The following NGF variants were observed in gnomAD, a reference collection of about 807,000 sequenced individuals.
NGF encodes beta-nerve growth factor.
A neutral mutation model predicts 12.8 loss-of-function variants in NGF; 4 were observed. The ratio of observed to expected loss-of-function variants is 0.31; its 90% CI spans 0.15 to 0.72. The LOEUF is 0.72. Ranked by LOEUF, NGF falls within the 30% of genes least tolerant of loss-of-function variation. NGF has a pLI of 0.69. For missense variants in NGF, 283 were observed against 330.8 expected (o/e 0.86, Z 1.12); for synonymous variants, 140 against 130.0 (o/e 1.08, Z -0.52).
At chr1:115,319,553 C>G (rs1032027058) in intron 1 of NGF, among the ~76,000 whole-genome samples, 2 of 152,200 alleles carry the variant, frequency 1.3e-5, no homozygotes, top group African/African-American at 4.8e-5. Context: ...CTCACCTTTT[C>G]TTTTGGCAAA....
Position 115,286,053 on chromosome 1 carries a change from G to A in NGF, c.*17C>T, listed in dbSNP as rs1165332324. 1 of 1,612,298 alleles carries A rather than the reference G, an allele frequency of 6.2e-7. No homozygotes were observed. The highest frequency in any genetic ancestry group is 8.5e-7 in the Non-Finnish European group (1 of 1,179,414). On this transcript the variant is annotated 3_prime_UTR_variant, in exon 3 of 3. Transcript: ENST00000369512. ...GGAGAGTGTAGAAGGGGCAGGGGGA[G>A]GGAGCGTGTCGGCAGGTCAGGCTCT... is the stretch of plus-strand genomic sequence containing the variant.
At chr1:115,306,991 C>T (rs554576136) in intron 1 of NGF, among the ~76,000 whole-genome samples, 3 of 152,314 alleles carry the variant, frequency 2.0e-5, no homozygotes, top group East Asian at 1.9e-4. Context: ...TGCTGATTCC[C>T]GTTAGGAGCC....
chr1:115,309,243 A>C (rs1201220114), intron 1 of NGF, among the ~76,000 whole-genome samples: 2 of 152,224 alleles, frequency 1.3e-5, no homozygotes, highest in East Asian at 1.9e-4. Context: ...AGGACTTGGT[A>C]ATATGAGAAT....
intron 2 of NGF, among the ~76,000 whole-genome samples, chr1:115,293,037 T>C (rs577277928): frequency 6.6e-6 from 1 of 152,204 alleles, no homozygotes; most frequent in Non-Finnish European, 1.5e-5. Context: ...TGAGCTGAGA[T>C]AATAGTAATT....
intron 1 of NGF, among the ~76,000 whole-genome samples, chr1:115,300,890 T>C (rs1052173175): frequency 6.6e-6 from 1 of 152,208 alleles, no homozygotes; most frequent in African/African-American, 2.4e-5. Context: ...GTAACACATA[T>C]GACTTATGGG....
At chr1:115,332,931 A>G (rs1033437449) in intron 1 of NGF, among the ~76,000 whole-genome samples, 8 of 152,174 alleles carry the variant, frequency 5.3e-5, no homozygotes, top group African/African-American at 1.9e-4. Flanking sequence ...ATGAGGCAGT[A>G]CCTCAATCGT....
At chr1:115,289,484 T>C (rs905823962) in intron 2 of NGF, among the ~76,000 whole-genome samples, 8 of 152,216 alleles carry the variant, frequency 5.3e-5, no homozygotes, top group African/African-American at 1.9e-4. Context: ...CATCGAAATT[T>C]CTGTGCAATT....
At chr1:115,296,514 C>A (rs568243116) in intron 1 of NGF, among the ~76,000 whole-genome samples, 80 of 152,286 alleles carry the variant, frequency 5.3e-4, no homozygotes, top group African/African-American at 1.9e-3. Context: ...CTACTATAAG[C>A]CAACCACAAT....
At chr1:115,329,383 C>G (rs1417349601) in intron 1 of NGF, among the ~76,000 whole-genome samples, 1 of 152,262 alleles carries the variant, frequency 6.6e-6, no homozygotes, top group East Asian at 1.9e-4. Context: ...CAAAAGTTAC[C>G]CAAGATCACA....
chr1:115,326,325 A>G (rs970619830), intron 1 of NGF, among the ~76,000 whole-genome samples: 2 of 152,152 alleles, frequency 1.3e-5, no homozygotes, highest in African/African-American at 4.8e-5. Context: ...TTTGTGTTCA[A>G]TGGTGGTGGC....
chr1:115,306,643 C>G (rs1029294405), intron 1 of NGF, among the ~76,000 whole-genome samples: 1 of 152,176 alleles, frequency 6.6e-6, no homozygotes, highest in African/African-American at 2.4e-5. Flanking sequence ...ATGTATACAG[C>G]AAATTGGTGG....
chr1:115,329,652 G>A (rs1360666127), intron 1 of NGF, among the ~76,000 whole-genome samples: 1 of 150,646 alleles, frequency 6.6e-6, no homozygotes, highest in African/African-American at 2.4e-5. Context: ...TTTTGAAAAT[G>A]TTACTCTATG....
At chr1:115,310,861 G>A (rs1370999569) in intron 1 of NGF, among the ~76,000 whole-genome samples, 1 of 151,858 alleles carries the variant, frequency 6.6e-6, no homozygotes, top group Non-Finnish European at 1.5e-5. Flanking sequence ...GGCAAGGGGT[G>A]TGGGGTGTGG....
chr1:115,290,608 A>C (rs1318360608), intron 2 of NGF, among the ~76,000 whole-genome samples: 1 of 151,816 alleles, frequency 6.6e-6, no homozygotes, highest in Admixed American at 6.6e-5. Flanking sequence ...GTTGGCCAGG[A>C]TGGTCTTGAT....
At chr1:115,294,902 G>C (rs1047639046) in intron 1 of NGF, among the ~76,000 whole-genome samples, 1 of 152,222 alleles carries the variant, frequency 6.6e-6, no homozygotes, top group Non-Finnish European at 1.5e-5. Flanking sequence ...TAGGAAGGCA[G>C]TGGAGGGCTT....
intron 1 of NGF, among the ~76,000 whole-genome samples, chr1:115,327,155 G>T (rs578066116): frequency 6.1e-4 from 93 of 152,132 alleles, no homozygotes; most frequent in Non-Finnish European, 1.1e-3. Flanking sequence ...CAGTATTGCC[G>T]GTCAGAATTC....
intron 1 of NGF, among the ~76,000 whole-genome samples, chr1:115,301,964 T>C (rs1654049089): frequency 6.6e-6 from 1 of 152,252 alleles, no homozygotes; most frequent in African/African-American, 2.4e-5. Flanking sequence ...ATCAAATTTA[T>C]ACTTGGTTAT....
At chr1:115,330,949 C>A (rs983645614) in intron 1 of NGF, among the ~76,000 whole-genome samples, 1 of 152,092 alleles carries the variant, frequency 6.6e-6, no homozygotes, top group African/African-American at 2.4e-5. Context: ...TGACAAAGGG[C>A]AACTGGGCAA....
At chr1:115,324,994 A>C (rs1571094941) in intron 1 of NGF, among the ~76,000 whole-genome samples, 1 of 152,318 alleles carries the variant, frequency 6.6e-6, no homozygotes, top group African/African-American at 2.4e-5. Flanking sequence ...AAGAAAACAA[A>C]TCATAAAATT....
Sources: gnomAD v4.1 joint callset for allele counts (sites outside exome capture counted in the v4.1 genomes callset) on GRCh38, gnomAD v4.1.1 for gene constraint, MANE v1.5 for transcripts, NCBI Gene and HGNC (gene_info 2026-07-23, HGNC 2026-07-21) for gene names.